Variants in SPON1 observed in about 807,000 individuals in gnomAD.
SPON1 encodes the protein spondin-1.
SPON1 carries 52 observed loss-of-function variants against 111.7 expected under a neutral mutation model. The ratio of observed to expected loss-of-function variants is 0.47; its 90% CI spans 0.37 to 0.59. The LOEUF (loss-of-function observed/expected upper bound fraction) is 0.59, where lower values mean the gene tolerates loss of function less well. Ranked by LOEUF, SPON1 falls within the 20% of genes least tolerant of loss-of-function variation. The pLI, the probability that SPON1 is intolerant of heterozygous loss-of-function variation, is 0.00. For missense variants in SPON1, 957 were observed against 1,068.5 expected (o/e 0.90, Z 1.46); for synonymous variants, 410 against 395.8 (o/e 1.04, Z -0.43).
chr11:13,962,946 G>A lies in SPON1; in HGVS notation c.42G>A (p.Pro14=), dbSNP rs781868416. The A allele has an allele frequency of 2.1e-5, 33 of 1,581,188 alleles. No homozygotes were observed. The African/African-American group carries it at 2.7e-4, about 13-fold the overall frequency. The stretch of plus-strand genomic sequence containing the variant: ...CGCCCCTGAAGCTGAGCCGGACTCC[G>A]GCACTGCTGGCCCTGGCGCTGCCCC... ...SPAPLKLSRT[P]ALLALALPLA... Residue 14 remains proline (P), a synonymous_variant, in exon 1 of 16, where the codon CCG becomes CCA. Coordinates refer to ENST00000576479, the MANE Select transcript of SPON1 (RefSeq NM_006108.4).
intron 6 of SPON1, among the ~76,000 whole-genome samples, chr11:14,185,207 T>C (rs1233610852): frequency 2.0e-5 from 3 of 152,248 alleles, no homozygotes; most frequent in Non-Finnish European, 2.9e-5. Context: ...GGTCTACCTG[T>C]AATGACCCCC....
At chr11:14,217,386 A>G (rs1180203515) in intron 6 of SPON1, among the ~76,000 whole-genome samples, 1 of 152,222 alleles carries the variant, frequency 6.6e-6, no homozygotes, top group African/African-American at 2.4e-5. Flanking sequence ...CTATTAGCTT[A>G]GGAGGCTTCT....
intron 5 of SPON1, among the ~76,000 whole-genome samples, chr11:14,103,690 G>C (rs1434082920): frequency 6.6e-6 from 1 of 152,142 alleles, no homozygotes; most frequent in African/African-American, 2.4e-5. Context: ...AGAGGATGAG[G>C]AGCACATGCT....
chr11:14,183,676 A>G (rs1284660964), intron 6 of SPON1, among the ~76,000 whole-genome samples: 18 of 152,180 alleles, frequency 1.2e-4, no homozygotes, highest in African/African-American at 4.3e-4. Context: ...GTGGGTCATT[A>G]TCTCCATTTA....
intron 6 of SPON1, among the ~76,000 whole-genome samples, chr11:14,153,444 G>C (rs910738230): frequency 6.6e-6 from 1 of 152,176 alleles, no homozygotes; most frequent in Non-Finnish European, 1.5e-5. Flanking sequence ...GCAGGAGGAA[G>C]AGAGCAGGGA....
intron 3 of SPON1, among the ~76,000 whole-genome samples, chr11:14,064,643 T>C (rs1187477826): frequency 1.3e-5 from 2 of 152,128 alleles, no homozygotes; most frequent in African/African-American, 4.8e-5. Flanking sequence ...CCACACCCTG[T>C]GCTGGGGTGT....
intron 7 of SPON1, among the ~76,000 whole-genome samples, chr11:14,248,304 T>G (rs1554940401): frequency 1.3e-5 from 2 of 152,076 alleles, no homozygotes; most frequent in Non-Finnish European, 2.9e-5. Context: ...ACCACTCTTC[T>G]GTGAAGTTTG....
chr11:14,242,013 C>T (rs781906986), intron 6 of SPON1, among the ~76,000 whole-genome samples: 53 of 152,164 alleles, frequency 3.5e-4, no homozygotes, highest in Non-Finnish European at 7.5e-4. Flanking sequence ...TTCCCCTCAC[C>T]CAGGACTGTC....
intron 6 of SPON1, among the ~76,000 whole-genome samples, chr11:14,157,829 A>G (rs1847866917): frequency 1.3e-5 from 2 of 152,036 alleles, no homozygotes; most frequent in African/African-American, 4.8e-5. Flanking sequence ...ATATTTATTA[A>G]TATTAGTTCT....
intron 2 of SPON1, among the ~76,000 whole-genome samples, chr11:14,021,316 G>A (rs1848480085): frequency 6.6e-6 from 1 of 152,080 alleles, no homozygotes; most frequent in Admixed American, 6.6e-5. Flanking sequence ...AGTAAGTTGT[G>A]TTTAGAAGGA....
chr11:13,983,407 G>C (rs1181020299), intron 2 of SPON1, among the ~76,000 whole-genome samples: 1 of 152,234 alleles, frequency 6.6e-6, no homozygotes. Context: ...AAGATTAAAA[G>C]AATTAAACAT....
intron 6 of SPON1, among the ~76,000 whole-genome samples, chr11:14,175,071 A>G (rs1294144058): frequency 3.9e-5 from 6 of 152,150 alleles, no homozygotes; most frequent in African/African-American, 1.4e-4. Context: ...ATAAATGGCA[A>G]AGTTACACAA....
rs1012515297 is a variant in SPON1 at position 14,070,048 on chromosome 11, C to T, written c.480-5297C>T. Among the ~76,000 whole-genome samples, 12 of 152,134 alleles carry T rather than the reference C, an allele frequency of 7.9e-5. 1 individual carries two copies. The highest frequency in any genetic ancestry group is 4.1e-4 in the South Asian group (2 of 4,828). ...TGTACACAGCCTTTGGATAAATATG[C>T]GGCCATCGTTCAGTTAGCCCTTGGC... On this transcript the variant is annotated intron_variant, in intron 3 of 15. Coordinates refer to ENST00000576479, the MANE Select transcript of SPON1 (RefSeq NM_006108.4).
intron 2 of SPON1, among the ~76,000 whole-genome samples, chr11:14,019,726 T>A (rs1188304214): frequency 2.6e-5 from 4 of 152,204 alleles, no homozygotes; most frequent in Non-Finnish European, 4.4e-5. Context: ...CCTGGACTAG[T>A]AGCTCTGTGA....
At chr11:14,229,951 CGTGTGTGTGTGTGTGTGT>C (rs55709324) in intron 6 of SPON1, among the ~76,000 whole-genome samples, 2 of 145,070 alleles carry the variant, frequency 1.4e-5, no homozygotes, top group South Asian at 2.3e-4. Flanking sequence ...TCTGTGTGTC[CGTGTGTGTGTGTGTGTGT>C]GTGTGTGTGT....
chr11:14,152,004 C>T (rs1430993818), intron 6 of SPON1, among the ~76,000 whole-genome samples: 1 of 152,142 alleles, frequency 6.6e-6, no homozygotes, highest in Admixed American at 6.6e-5. Context: ...TCATTTCTGC[C>T]TCCTTGGATC....
intron 3 of SPON1, among the ~76,000 whole-genome samples, chr11:14,051,899 C>T (rs139058669): frequency 1.2e-4 from 19 of 152,250 alleles, no homozygotes; most frequent in African/African-American, 4.6e-4. Flanking sequence ...AGAATTTTCA[C>T]TATATTATTC....
At chr11:13,975,842 T>C (rs538809637) in intron 1 of SPON1, among the ~76,000 whole-genome samples, 6 of 152,174 alleles carry the variant, frequency 3.9e-5, no homozygotes, top group Non-Finnish European at 7.3e-5. Flanking sequence ...TTGAAACACA[T>C]TGTTGGGTAA....
chr11:14,125,165 G>A (rs1012187369), intron 5 of SPON1, among the ~76,000 whole-genome samples: 5 of 152,300 alleles, frequency 3.3e-5, no homozygotes, highest in Non-Finnish European at 5.9e-5. Context: ...GCGCAAACCC[G>A]CAGAAGGCAT....
Sources: gnomAD v4.1 joint callset for allele counts (sites outside exome capture counted in the v4.1 genomes callset) on GRCh38, gnomAD v4.1.1 for gene constraint, MANE v1.5 for transcripts, NCBI Gene and HGNC (gene_info 2026-07-23, HGNC 2026-07-21) for gene names.